Variants in IL1R2 observed in about 807,000 individuals in gnomAD.
IL1R2 encodes interleukin-1 receptor type 2.
In IL1R2, 46 loss-of-function variants were observed where a neutral mutation model predicts 39.5. The ratio of observed to expected loss-of-function variants is 1.16; its 90% confidence interval spans 0.92 to 1.49. The LOEUF is 1.49. Ranked by LOEUF, IL1R2 falls within the 40% of genes most tolerant of loss-of-function variation. The pLI is 0.00. For missense variants in IL1R2, 537 were observed against 502.0 expected (o/e 1.07, Z -0.67); for synonymous variants, 207 against 189.6 (o/e 1.09, Z -0.75).
chr2:102,028,261 C>G lies in IL1R2; in HGVS notation c.1066C>G (p.Pro356Ala). Reference sequence around the variant, plus strand: ...GTTCTCCTGGGGCATTGTGCTGGCCCCACTTTCACTGGCCTTCTTGGTTTT... The same window carrying G: ...GTTCTCCTGGGGCATTGTGCTGGCCGCACTTTCACTGGCCTTCTTGGTTTT... ...STFSWGIVLA[P>A]LSLAFLVLGG... The change falls in exon 9 of 9, where the codon CCA becomes GCA. Residue 356 changes from proline (P) to alanine (A), a missense_variant. By Grantham distance (27) the Pro-to-Ala change is conservative. Transcript: ENST00000332549. The G allele has an allele frequency of 6.2e-7, 1 of 1,612,316 alleles. No homozygotes were observed. The highest frequency in any genetic ancestry group is 8.5e-7 in the Non-Finnish European group (1 of 1,179,310).
intron 1 of IL1R2, among the ~76,000 whole-genome samples, chr2:101,996,969 C>T (rs1675622622): frequency 6.6e-6 from 1 of 152,120 alleles, no homozygotes; most frequent in South Asian, 2.1e-4. Context: ...ATCTACCTCT[C>T]TTGCTTTCAT....
rs550163405 is a variant in IL1R2 at position 101,995,755 on chromosome 2, T to C, written c.-62+3744T>C. ...ACAGCATCGTCATGGGTTAACTGCG[T>C]TGGACTATGACGACTCATCAGAGCC... On this transcript the variant is annotated intron_variant, in intron 1 of 8. Coordinates refer to ENST00000332549, the MANE Select transcript of IL1R2 (RefSeq NM_004633.4). Among the ~76,000 whole-genome samples the C allele has an allele frequency of 5.9e-5, 9 of 152,328 alleles. No individual in the cohort carries two copies. In the East Asian group the frequency reaches 1.5e-3, roughly 26 times the overall value.
chr2:102,027,274 G>T (rs3218983), intron 8 of IL1R2, among the ~76,000 whole-genome samples: 4 of 152,184 alleles, frequency 2.6e-5, no homozygotes, highest in Non-Finnish European at 4.4e-5. Flanking sequence ...AGATGAGCAG[G>T]CTGGGAGAGA....
chr2:102,013,524 C>CAAAAAAAAAAAAAAAAAAAAAAAAAA (rs771727938), intron 3 of IL1R2, among the ~76,000 whole-genome samples: 4 of 5,690 alleles, frequency 7.0e-4, no homozygotes, highest in Admixed American at 5.5e-3. Flanking sequence ...TCTATCACTG[C>CAAAAAAAAAAAAAAAAAAAAAAAAAA]AAAAAAAAAA....
At chr2:101,992,894 C>T (rs75227546) in intron 1 of IL1R2, among the ~76,000 whole-genome samples, 4,687 of 152,292 alleles carry the variant, frequency 0.031, 102 homozygotes, top group Non-Finnish European at 0.047. Context: ...TGACCTTCTT[C>T]ACCTGTGTGA....
chr2:102,021,305 CTTTTTTTTT>C (rs546019141), intron 5 of IL1R2, among the ~76,000 whole-genome samples: 1 of 122,856 alleles, frequency 8.1e-6, no homozygotes, highest in African/African-American at 3.1e-5. Flanking sequence ...CTTTTCTTTT[CTTTTTTTTT>C]TTTTTTTTGG....
chr2:101,994,255 C>T (rs1198850856), intron 1 of IL1R2, among the ~76,000 whole-genome samples: 2 of 152,098 alleles, frequency 1.3e-5, no homozygotes, highest in African/African-American at 2.4e-5. Context: ...CCCACTCCCA[C>T]CCCGACCTCC....
At chr2:101,998,467 A>T (rs1254031953) in intron 1 of IL1R2, among the ~76,000 whole-genome samples, 1 of 152,218 alleles carries the variant, frequency 6.6e-6, no homozygotes, top group African/African-American at 2.4e-5. Context: ...CTGTTGTTGC[A>T]TGAAAAACTA....
chr2:102,011,483 T>A (rs534250753), intron 3 of IL1R2, among the ~76,000 whole-genome samples: 1 of 152,356 alleles, frequency 6.6e-6, no homozygotes, highest in African/African-American at 2.4e-5. Context: ...TTCCTAATGA[T>A]TAGCGATGCT....
At chr2:102,001,040 T>C (rs906290889) in intron 1 of IL1R2, among the ~76,000 whole-genome samples, 3 of 152,192 alleles carry the variant, frequency 2.0e-5, no homozygotes, top group African/African-American at 7.2e-5. Flanking sequence ...GGAGTGGTCT[T>C]GCTGGGTGTC....
chr2:102,017,559 G>A (rs1228213924), intron 4 of IL1R2, among the ~76,000 whole-genome samples: 11 of 152,252 alleles, frequency 7.2e-5, no homozygotes, highest in Non-Finnish European at 1.0e-4. Flanking sequence ...TATGTAGACC[G>A]GGGTTGGAAA....
At chr2:102,002,463 C>CTGTCTGTGTCTG (rs72407418) in intron 1 of IL1R2, among the ~76,000 whole-genome samples, 23,452 of 142,864 alleles carry the variant, frequency 0.16, 2,070 homozygotes, top group African/African-American at 0.28. Flanking sequence ...GTCTATGTCT[C>CTGTCTGTGTCTG]TGTCTGTGTC....
Position 102,022,236 on chromosome 2 carries a change from A to G in IL1R2, c.738A>G (p.Ile246Met), listed in dbSNP as rs183091210. 170 of 1,613,624 alleles carry G rather than the reference A, an allele frequency of 1.1e-4. No individual in the cohort carries two copies. Among genetic ancestry groups the G allele is most frequent in the Admixed American group, 1.8e-4 (11 of 60,020 alleles). ...TGATCATTTCCCCCCTCAAGACCATATCAGCTTCTCTGGGTAAGGCCCACA... is the reference window on the plus strand; with the variant it reads ...TGATCATTTCCCCCCTCAAGACCATGTCAGCTTCTCTGGGTAAGGCCCACA... ...IPVIISPLKT[I>M]SASLGSRLTI... is the part of the protein sequence containing the mutation. The change falls in exon 6 of 9, where the codon ATA (isoleucine) becomes ATG (methionine). Residue 246 changes from isoleucine to methionine, a missense_variant. Coordinates refer to ENST00000332549, the MANE Select transcript of IL1R2 (RefSeq NM_004633.4).
intron 8 of IL1R2, among the ~76,000 whole-genome samples, chr2:102,027,745 C>T (rs775216124): frequency 1.2e-4 from 19 of 152,146 alleles, no homozygotes; most frequent in African/African-American, 3.9e-4. Flanking sequence ...AACACAGAGA[C>T]GCCAAGGAGC....
intron 5 of IL1R2, among the ~76,000 whole-genome samples, chr2:102,020,047 G>T (rs1290998715): frequency 6.6e-6 from 1 of 152,202 alleles, no homozygotes; most frequent in Non-Finnish European, 1.5e-5. Context: ...TTATAGGGTT[G>T]CAAGATGAAG....
intron 6 of IL1R2, 50 bp from the exon 7 acceptor site, chr2:102,024,483 G>C (rs771777147): frequency 1.8e-5 from 25 of 1,379,382 alleles, no homozygotes; most frequent in Middle Eastern, 1.8e-4. Flanking sequence ...TTGCTGGTGG[G>C]TGGGAGGTGC....
In IL1R2 at chr2:102,009,633, G is replaced by A; in HGVS notation, c.139G>A (p.Ala47Thr). The change falls in exon 3 of 9, where the codon GCC (alanine) becomes ACC (threonine). Residue 47 changes from alanine (A) to threonine (T), a missense_variant. By Grantham distance (58) the Ala-to-Thr change is moderately conservative (BLOSUM62 0). Transcript: ENST00000332549. The stretch of plus-strand genomic sequence containing the variant: ...GTTCAGGCTGGAAGGGGAGCCTGTA[G>A]CCCTGAGGTGCCCCCAGGTGCCCTA... ...REFRLEGEPV[A>T]LRCPQVPYWL... 6.2e-7 allele frequency: 1 copy of A among 1,614,180 alleles called. No individual in the cohort carries two copies. Among genetic ancestry groups the A allele is most frequent in the Non-Finnish European group, 8.5e-7 (1 of 1,180,018 alleles).
intron 1 of IL1R2, among the ~76,000 whole-genome samples, chr2:102,003,982 G>A (rs993900040): frequency 7.1e-5 from 9 of 127,168 alleles, no homozygotes; most frequent in East Asian, 2.2e-4. Context: ...TCTTGGTCTC[G>A]GTCTGGGTCT....
At chr2:102,011,635 T>C (rs201147655) in intron 3 of IL1R2, among the ~76,000 whole-genome samples, 1 of 152,236 alleles carries the variant, frequency 6.6e-6, no homozygotes, top group East Asian at 1.9e-4. Flanking sequence ...GTTCTTTACA[T>C]TTCCTGGTTA....
Sources: allele counts gnomAD v4.1 joint callset (sites outside exome capture counted in the v4.1 genomes callset), GRCh38; gene constraint gnomAD v4.1.1; transcripts MANE v1.5; gene names NCBI Gene and HGNC (gene_info 2026-07-23, HGNC 2026-07-21).